The following DOK5 variants were observed in gnomAD, a reference collection of about 807,000 sequenced individuals.
The protein encoded by DOK5 is docking protein 5.
Under a neutral mutation model 43.3 loss-of-function variants are expected in DOK5, and 27 were observed. That is an observed-to-expected ratio of 0.62 (90% CI 0.46 to 0.86). The LOEUF is 0.86. Among genes scored for constraint, DOK5 ranks in the 40% least tolerant of loss-of-function variants. The pLI, the probability that DOK5 is intolerant of heterozygous loss-of-function variation, is 0.00. For missense variants in DOK5, 373 were observed against 392.9 expected, an observed-to-expected ratio of 0.95 and a Z score of 0.43; for synonymous variants, 146 against 140.1, an observed-to-expected ratio of 1.04 and a Z score of -0.30.
intron 1 of DOK5, among the ~76,000 whole-genome samples, chr20:54,527,788 A>C (rs1425161162): frequency 3.3e-5 from 5 of 152,190 alleles, no homozygotes; most frequent in Non-Finnish European, 7.4e-5. Flanking sequence ...TATGCATTAG[A>C]AAAAAATAGT....
chr20:54,504,728 T>C (rs1982742449), intron 1 of DOK5, among the ~76,000 whole-genome samples: 1 of 152,162 alleles, frequency 6.6e-6, no homozygotes, highest in African/African-American at 2.4e-5. Context: ...AAAAGAGTGA[T>C]TTTATTTATC....
At chr20:54,546,225 C>T (rs1327833677) in intron 1 of DOK5, among the ~76,000 whole-genome samples, 6 of 152,070 alleles carry the variant, frequency 3.9e-5, no homozygotes, top group Admixed American at 2.0e-4. Context: ...TGAAATAATG[C>T]ATATAAAAGG....
intron 5 of DOK5, among the ~76,000 whole-genome samples, chr20:54,596,237 T>C (rs1436655053): frequency 1.4e-4 from 22 of 152,232 alleles, no homozygotes; most frequent in Admixed American, 1.4e-3. Flanking sequence ...TCCTTGGCTA[T>C]TTTTGGATGT....
chr20:54,533,680 A>G (rs1366446139), intron 1 of DOK5, among the ~76,000 whole-genome samples: 1 of 152,162 alleles, frequency 6.6e-6, no homozygotes, highest in Non-Finnish European at 1.5e-5. Flanking sequence ...AAGCAGAATG[A>G]CAGTATTTTT....
rs141492284 is a variant in DOK5, at chr20:54,479,066, C to T, written c.66+3054C>T. Among the ~76,000 whole-genome samples, 31 of 151,808 alleles carry T rather than the reference C, an allele frequency of 2.0e-4. No homozygotes were observed. The East Asian group carries it at 3.5e-3, about 17-fold the overall frequency. On this transcript the variant is annotated intron_variant, in intron 1 of 7. Transcript: ENST00000262593. ...TACATATTGTATAATATATAATATA[C>T]GTATATTTATATATGTGATTTTTTA...
At chr20:54,516,262 G>GA (rs577778559) in intron 1 of DOK5, among the ~76,000 whole-genome samples, 1 of 152,054 alleles carries the variant, frequency 6.6e-6, no homozygotes, top group African/African-American at 2.4e-5. Flanking sequence ...ATTACAGTAA[G>GA]AAAAAAATAT....
chr20:54,629,785 C>T (rs1448907234), intron 6 of DOK5, among the ~76,000 whole-genome samples: 2 of 152,232 alleles, frequency 1.3e-5, no homozygotes, highest in Non-Finnish European at 2.9e-5. Context: ...AATGGTCACT[C>T]TGGTAAAGTG....
At chr20:54,561,742 A>C (rs896225167) in intron 2 of DOK5, among the ~76,000 whole-genome samples, 1 of 151,846 alleles carries the variant, frequency 6.6e-6, no homozygotes, top group African/African-American at 2.4e-5. Context: ...CGCAACCTCC[A>C]CCTCCCAGGT....
At chr20:54,576,884 C>T (rs1012647546) in intron 2 of DOK5, among the ~76,000 whole-genome samples, 3 of 152,150 alleles carry the variant, frequency 2.0e-5, no homozygotes, top group African/African-American at 4.8e-5. Flanking sequence ...GATTTGCATT[C>T]GTTTTTTCGC....
In DOK5 at chr20:54,588,749, G is replaced by A; in HGVS notation, c.352G>A (p.Asp118Asn). 1 of 1,614,090 alleles carries A rather than the reference G, an allele frequency of 6.2e-7. No individual in the cohort carries two copies. Among genetic ancestry groups the A allele is most frequent in the South Asian group, 1.1e-5 (1 of 91,084 alleles). ...QMECVGTRIN[D>N]ISLGEPDLLA... ...GGAGTGTGTAGGAACACGGATCAAT[G>A]ACATCAGCCTTGGAGAGCCTGACTT... is the stretch of plus-strand genomic sequence containing the variant. The change falls in exon 4 of 8, where the codon GAC (aspartate) becomes AAC (asparagine). Residue 118 changes from aspartate (D) to asparagine (N), a missense_variant. Coordinates refer to ENST00000262593, the MANE Select transcript of DOK5 (RefSeq NM_018431.5).
rs113608763 is a variant in DOK5 at position 54,647,819 on chromosome 20, A to T, written c.857-2596A>T. Among the ~76,000 whole-genome samples the T allele has an allele frequency of 9.8e-5, 15 of 152,314 alleles. 1 individual carries two copies. The highest frequency in any genetic ancestry group is 3.6e-4 in the African/African-American group (15 of 41,566). On this transcript the variant is annotated intron_variant, in intron 7 of 7. Transcript: ENST00000262593. The stretch of plus-strand genomic sequence containing the variant: ...GCCCTGCAATGAAAAACCTGATTAA[A>T]CTTGTTTAAACCAAAGCTCTGCACA...
intron 5 of DOK5, among the ~76,000 whole-genome samples, chr20:54,596,366 A>G (rs936101660): frequency 2.0e-5 from 3 of 152,202 alleles, no homozygotes; most frequent in Non-Finnish European, 4.4e-5. Context: ...TGCATCTGCA[A>G]AAACTTAACA....
chr20:54,609,746 C>T (rs1986583295), intron 5 of DOK5, among the ~76,000 whole-genome samples: 1 of 152,138 alleles, frequency 6.6e-6, no homozygotes, highest in African/African-American at 2.4e-5. Flanking sequence ...CTTCTTAACA[C>T]TTGATGTTAA....
chr20:54,523,878 C>T (rs1983495454), intron 1 of DOK5, among the ~76,000 whole-genome samples: 1 of 152,150 alleles, frequency 6.6e-6, no homozygotes, highest in African/African-American at 2.4e-5. Context: ...GCTGGGATTA[C>T]AGACATGAGC....
chr20:54,636,909 G>C (rs373324360), intron 6 of DOK5, among the ~76,000 whole-genome samples: 18 of 152,216 alleles, frequency 1.2e-4, no homozygotes, highest in East Asian at 1.9e-4. Flanking sequence ...CAGGACTTTT[G>C]GGGGGGACAA....
intron 7 of DOK5, among the ~76,000 whole-genome samples, chr20:54,644,693 G>A (rs1979292464): frequency 1.1e-5 from 1 of 90,236 alleles, no homozygotes; most frequent in Non-Finnish European, 2.2e-5. Context: ...GTGACAGAGA[G>A]AGACTCCGTC....
chr20:54,487,756 T>C (rs1372487851), intron 1 of DOK5, among the ~76,000 whole-genome samples: 4 of 152,182 alleles, frequency 2.6e-5, no homozygotes, highest in African/African-American at 4.8e-5. Flanking sequence ...GATATCACCA[T>C]GTATATGTCA....
At chr20:54,545,618 T>C (rs1010435599) in intron 1 of DOK5, among the ~76,000 whole-genome samples, 1 of 152,214 alleles carries the variant, frequency 6.6e-6, no homozygotes, top group African/African-American at 2.4e-5. Context: ...AATTCTAATG[T>C]AGTTAGAAAA....
intron 2 of DOK5, among the ~76,000 whole-genome samples, chr20:54,577,779 C>T (rs1256721184): frequency 6.6e-6 from 1 of 152,134 alleles, no homozygotes; most frequent in Non-Finnish European, 1.5e-5. Context: ...TTCAGAAATC[C>T]AGGAAGGAGG....
Sources: allele counts gnomAD v4.1 joint callset (sites outside exome capture counted in the v4.1 genomes callset), GRCh38; gene constraint gnomAD v4.1.1; transcripts MANE v1.5; gene names NCBI Gene and HGNC (gene_info 2026-07-23, HGNC 2026-07-21).